The following SLC36A4 variants were observed in gnomAD, a reference collection of about 807,000 sequenced individuals.
SLC36A4 encodes neutral amino acid uniporter 4.
Under a neutral mutation model 50.5 loss-of-function variants are expected in SLC36A4, and 49 were observed. The observed-to-expected ratio is 0.97, with a 90% CI of 0.77 to 1.23. The LOEUF is 1.23. Ranked by LOEUF, SLC36A4 falls within the 50% of genes most tolerant of loss-of-function variation. SLC36A4 has a pLI of 0.00. For synonymous variants in SLC36A4, 207 were observed against 206.5 expected, an observed-to-expected ratio of 1.00 and a Z score of -0.02; for missense variants, 611 against 608.4, an observed-to-expected ratio of 1.00 and a Z score of -0.05.
At chr11:93,158,857 C>T (rs1297683350) in intron 9 of SLC36A4, among the ~76,000 whole-genome samples, 3 of 151,988 alleles carry the variant, frequency 2.0e-5, no homozygotes, top group Non-Finnish European at 4.4e-5. Flanking sequence ...GAATAATAAA[C>T]TTTCTTAAAG....
intron 6 of SLC36A4, among the ~76,000 whole-genome samples, chr11:93,168,763 T>C (rs1860996775): frequency 6.6e-6 from 1 of 152,172 alleles, no homozygotes; most frequent in Admixed American, 6.6e-5. Flanking sequence ...TGGTAGACAG[T>C]ACATAAATTT....
chr11:93,171,688 C>G (rs186891529), intron 6 of SLC36A4: 7 of 151,944 alleles, frequency 4.6e-5, no homozygotes, highest in Admixed American at 4.6e-4. Flanking sequence ...CCATGTTACA[C>G]GACCCTAGAA....
intron 1 of SLC36A4, among the ~76,000 whole-genome samples, chr11:93,193,428 TCTGGAAAATG>T (rs1862295796): frequency 6.6e-6 from 1 of 152,188 alleles, no homozygotes; most frequent in Non-Finnish European, 1.5e-5. Context: ...ATTGGGCAGC[TCTGGAAAATG>T]CTGTGATTAT....
intron 6 of SLC36A4, among the ~76,000 whole-genome samples, chr11:93,174,309 C>T (rs1420480206): frequency 6.7e-6 from 1 of 149,806 alleles, no homozygotes; most frequent in Non-Finnish European, 1.5e-5. Flanking sequence ...TATCCTGAGA[C>T]TTTGCTGAAG....
At chr11:93,153,157 G>A (rs959176697) in intron 10 of SLC36A4, among the ~76,000 whole-genome samples, 31 of 152,008 alleles carry the variant, frequency 2.0e-4, no homozygotes, top group African/African-American at 5.1e-4. Flanking sequence ...GAGTTGCCCC[G>A]AATTTCTAGC....
At chr11:93,182,760 T>G in intron 4 of SLC36A4, 46 bp downstream of exon 4, 1 of 1,412,950 alleles carries the variant, frequency 7.1e-7, no homozygotes, top group Non-Finnish European at 9.9e-7. Context: ...ATGCTGTAAA[T>G]AAAAGATAGC....
intron 3 of SLC36A4, among the ~76,000 whole-genome samples, chr11:93,183,591 T>C (rs1861836287): frequency 6.6e-6 from 1 of 152,076 alleles, no homozygotes; most frequent in African/African-American, 2.4e-5. Flanking sequence ...AATGGGTTTC[T>C]CCCCTATCAA....
chr11:93,193,533 TATA>T (rs1452161422), intron 1 of SLC36A4, among the ~76,000 whole-genome samples: 1 of 152,140 alleles, frequency 6.6e-6, no homozygotes, highest in Non-Finnish European at 1.5e-5. Flanking sequence ...AGAAATTATA[TATA>T]AATAAGAAAC....
At chr11:93,184,301 C>T (rs2134697839) in intron 3 of SLC36A4, 129 bp downstream of exon 3, 1 of 676,494 alleles carries the variant, frequency 1.5e-6, no homozygotes, top group Non-Finnish European at 2.6e-6. Context: ...ACAATTTTAT[C>T]AAGACAACAT....
Position 93,168,186 on chromosome 11 carries a change from C to A in SLC36A4, c.541-15G>T. ...CCTTCATGAACCTACATAGGATTACCAGGAGAATAAAGAAGGGGGAAAAAC... is the reference window on the plus strand; with the variant it reads ...CCTTCATGAACCTACATAGGATTACAAGGAGAATAAAGAAGGGGGAAAAAC... On this transcript the variant is annotated splice_polypyrimidine_tract_variant and intron_variant, in intron 6 of 10. Coordinates refer to ENST00000326402, the MANE Select transcript of SLC36A4 (RefSeq NM_152313.4). 6.5e-7 allele frequency: 1 copy of A among 1,531,232 alleles called. No homozygotes were observed. Among genetic ancestry groups the A allele is most frequent in the South Asian group, 1.2e-5 (1 of 83,266 alleles). 94.9% of individuals were successfully genotyped at this position (1,531,232 alleles called of 1,614,324 possible). A position where few individuals can be genotyped will look rare whatever the true frequency, so the allele number is the denominator to read the frequency against.
At chr11:93,162,916 G>A in intron 8 of SLC36A4, 41 bp from the exon 9 acceptor site, 1 of 1,569,356 alleles carries the variant, frequency 6.4e-7, no homozygotes, top group Non-Finnish European at 8.7e-7. Context: ...GGGAATACAA[G>A]TATTTAAAAA....
chr11:93,174,258 T>C (rs967009329), intron 6 of SLC36A4, among the ~76,000 whole-genome samples: 2 of 141,886 alleles, frequency 1.4e-5, no homozygotes, highest in Non-Finnish European at 1.6e-5. Context: ...TGTCTGTTGT[T>C]GGTGTATAAG....
chr11:93,145,430 C>A lies in SLC36A4; in HGVS notation c.*3107G>T, dbSNP rs1033103179. On this transcript the variant is annotated 3_prime_UTR_variant, in exon 11 of 11. Transcript: ENST00000326402. The stretch of plus-strand genomic sequence containing the variant: ...CTAAACTGGTTTTTAACCAAGAATA[C>A]GCTGTAGCTCTTATTTTCTTAATTG... The A allele has an allele frequency of 6.6e-6, 1 of 151,954 alleles. No individual in the cohort carries two copies. The highest frequency in any genetic ancestry group is 2.4e-5 in the African/African-American group (1 of 41,396). 9.4% of individuals were successfully genotyped at this position (151,954 alleles called of 1,614,324 possible).
intron 1 of SLC36A4, among the ~76,000 whole-genome samples, chr11:93,196,966 C>G (rs1030221604): frequency 6.6e-6 from 1 of 152,188 alleles, no homozygotes; most frequent in East Asian, 1.9e-4. Context: ...ACCATTATTA[C>G]GGCCTGAAAA....
chr11:93,157,128 A>G (rs1860403379), intron 9 of SLC36A4, among the ~76,000 whole-genome samples: 1 of 152,072 alleles, frequency 6.6e-6, no homozygotes. Context: ...TGTTTTTGTC[A>G]GGTTTTTCAA....
In SLC36A4 at chr11:93,148,519, C is replaced by T. The variant is rs761286134; in HGVS notation, c.*18G>A. 16 of 1,591,034 alleles carry T rather than the reference C, an allele frequency of 1.0e-5. No individual in the cohort carries two copies. Among genetic ancestry groups the T allele is most frequent in the Non-Finnish European group, 1.2e-5 (14 of 1,172,026 alleles). On this transcript the variant is annotated 3_prime_UTR_variant, in exon 11 of 11. Coordinates refer to ENST00000326402, the MANE Select transcript of SLC36A4 (RefSeq NM_152313.4). Reference sequence around the variant, plus strand: ...TCAGAAATGGGACAAAAATAGAAGACTCATGATTCTGCTTTTACTATTTCA... The same window carrying T: ...TCAGAAATGGGACAAAAATAGAAGATTCATGATTCTGCTTTTACTATTTCA...
At chr11:93,193,894 T>C (rs1326946652) in intron 1 of SLC36A4, among the ~76,000 whole-genome samples, 2 of 152,174 alleles carry the variant, frequency 1.3e-5, no homozygotes, top group Non-Finnish European at 2.9e-5. Context: ...AGAATGTTCA[T>C]TAAAACATTA....
At chr11:93,192,203 C>G (rs985186832) in intron 1 of SLC36A4, among the ~76,000 whole-genome samples, 1 of 152,144 alleles carries the variant, frequency 6.6e-6, no homozygotes, top group Non-Finnish European at 1.5e-5. Flanking sequence ...AAGGAGGCCT[C>G]ACTGAGAAAG....
Position 93,146,742 on chromosome 11 carries a change from T to C in SLC36A4, c.*1795A>G, listed in dbSNP as rs559633877. The C allele has an allele frequency of 1.6e-3, 236 of 152,088 alleles. No individual in the cohort carries two copies. The highest frequency in any genetic ancestry group is 5.4e-3 in the African/African-American group (226 of 41,506). The allele number at this position is 152,088 out of a possible 1,614,324, so 9.4% of individuals were successfully genotyped here. On this transcript the variant is annotated 3_prime_UTR_variant, in exon 11 of 11. Transcript: ENST00000326402. ...GAGTATCACCAGCCTGAGTAAACAG[T>C]TCATGTTTTAAAGTCTAAATTGTTT...
Sources: gnomAD v4.1 joint callset for allele counts (sites outside exome capture counted in the v4.1 genomes callset) on GRCh38, gnomAD v4.1.1 for gene constraint, MANE v1.5 for transcripts, NCBI Gene and HGNC (gene_info 2026-07-23, HGNC 2026-07-21) for gene names.